The following DICER1 variants were observed in gnomAD, a reference collection of about 807,000 sequenced individuals.
The protein encoded by DICER1 is dicer 1, ribonuclease III, also known as endoribonuclease Dicer.
DICER1 carries 43 observed loss-of-function variants against 194.1 expected under a neutral mutation model. The ratio of observed to expected loss-of-function variants is 0.22; its 90% CI spans 0.17 to 0.29. The LOEUF (loss-of-function observed/expected upper bound fraction) is 0.29. Among genes scored for constraint, DICER1 ranks in the 10% least tolerant of loss-of-function variants. The probability of loss-of-function intolerance (pLI) is 1.00; values close to 1 mark genes in which losing one functional copy is unlikely to be tolerated. For synonymous variants in DICER1, 832 were observed against 820.5 expected (o/e 1.01, Z -0.24); for missense variants, 1,608 against 2,317.0 (o/e 0.69, Z 6.28).
At chr14:95,102,433 G>A (rs1394624468) in intron 21 of DICER1, among the ~76,000 whole-genome samples, 2 of 152,130 alleles carry the variant, frequency 1.3e-5, no homozygotes, top group Non-Finnish European at 1.5e-5. Flanking sequence ...GGCCTTCCAC[G>A]ATACAGCTTC....
At chr14:95,108,782 G>A (rs576832847) in intron 14 of DICER1, among the ~76,000 whole-genome samples, 1 of 152,286 alleles carries the variant, frequency 6.6e-6, no homozygotes, top group East Asian at 1.9e-4. Context: ...ATCCAACACT[G>A]TAGGGCCTTT....
chr14:95,097,540 A>T (rs1890466637), intron 22 of DICER1, among the ~76,000 whole-genome samples: 1 of 152,340 alleles, frequency 6.6e-6, no homozygotes, highest in East Asian at 1.9e-4. Context: ...GTGAGTGACA[A>T]CCTTAATAAT....
chr14:95,108,620 GAA>G, intron 14 of DICER1, 117 bp from the exon 15 acceptor site: 1 of 933,314 alleles, frequency 1.1e-6, no homozygotes, highest in Non-Finnish European at 1.7e-6. Context: ...AATAAGCTAA[GAA>G]AATACCCGAG....
In DICER1 at chr14:95,096,584, C is replaced by T. The variant is rs899635943; in HGVS notation, c.4336G>A (p.Asp1446Asn). The change falls in exon 23 of 27, where the codon GAT becomes AAT. Residue 1446 changes from aspartate (D) to asparagine (N), a missense_variant. Asp to Asn is a conservative substitution (Grantham distance 23). Transcript: ENST00000343455. ...TCTATAAATCTGATATGTTCCTGATCATACTCCAGGAAATCATCTTCATAG... is the reference window on the plus strand; with the variant it reads ...TCTATAAATCTGATATGTTCCTGATTATACTCCAGGAAATCATCTTCATAG... ...ADYEDDFLEY[D>N]QEHIRFIDNM... The T allele has an allele frequency of 6.2e-7, 1 of 1,612,166 alleles. No individual in the cohort carries two copies. The highest frequency in any genetic ancestry group is 8.5e-7 in the Non-Finnish European group (1 of 1,178,760).
In DICER1 at chr14:95,137,908, G is replaced by A. The variant is rs140969547; in HGVS notation, c.-45-4405C>T. On this transcript the variant is annotated intron_variant, in intron 1 of 26. Coordinates refer to ENST00000343455, the MANE Select transcript of DICER1 (RefSeq NM_177438.3). ...GTTCTTCCTCGGCACAAGAGAGGGAGAGAGATCGTTTCCCTGGCCTGCCTA... is the reference window on the plus strand; with the variant it reads ...GTTCTTCCTCGGCACAAGAGAGGGAAAGAGATCGTTTCCCTGGCCTGCCTA... The A allele has an allele frequency of 9.8e-3, 1,522 of 154,818 alleles. 21 individuals are homozygous for A. The highest frequency in any genetic ancestry group is 0.012 in the Non-Finnish European group (799 of 68,208). The allele number at this position is 154,818 out of a possible 1,614,324, so 9.6% of individuals were successfully genotyped here. A position where few individuals can be genotyped will look rare whatever the true frequency, so the allele number is the denominator to read the frequency against.
At chr14:95,153,738 A>T (rs1895666470) in intron 1 of DICER1, among the ~76,000 whole-genome samples, 1 of 152,200 alleles carries the variant, frequency 6.6e-6, no homozygotes, top group Admixed American at 6.5e-5. Flanking sequence ...CTATTATAAG[A>T]CCATTTCAAA....
Position 95,157,351 on chromosome 14 carries a change from C to A in DICER1, c.-167G>T. 1.3e-5 allele frequency: 2 copies of A among 155,558 alleles called. No individual in the cohort carries two copies. Among genetic ancestry groups the A allele is most frequent in the South Asian group, 3.6e-4 (2 of 5,526 alleles). The allele number at this position is 155,558 out of a possible 1,614,324, so 9.6% of individuals were successfully genotyped here. ...GCCCCCGCCGCCATTTCCTCGCGCT[C>A]GCCGTCGCCTCGTCCCCGCTGTCAG... On this transcript the variant is annotated 5_prime_UTR_variant, in exon 1 of 27. Transcript: ENST00000343455.
At chr14:95,115,929 C>A in intron 10 of DICER1, 108 bp from the exon 11 acceptor site, 1 of 1,092,674 alleles carries the variant, frequency 9.2e-7, no homozygotes, top group Non-Finnish European at 1.4e-6. Flanking sequence ...CTCTCTCTCT[C>A]CTAAACATAC....
At position 95,107,960 on chromosome 14, in the gene DICER1, A is replaced by G. The variant is rs1290998883; in HGVS notation, c.2570T>C (p.Ile857Thr). The stretch of plus-strand genomic sequence containing the variant: ...TAGTGCAGGTTTTTCAAGCCGAAGA[A>G]TATGTGAGAATATATACTGGTGAAG... ...TRLHQYIFSH[I>T]LRLEKPALEF... is the part of the protein sequence containing the mutation. The change falls in exon 16 of 27, where the codon ATT becomes ACT. Residue 857 changes from isoleucine (I) to threonine (T), a missense_variant. Ile to Thr is a moderately conservative substitution (Grantham distance 89, BLOSUM62 -1). This residue lies in a region of DICER1 where 150 missense variants were observed against 216.0 expected (regional missense o/e 0.69). Transcript: ENST00000343455. 1.2e-6 allele frequency: 2 copies of G among 1,613,942 alleles called. No individual in the cohort carries two copies. The highest frequency in any genetic ancestry group is 1.3e-5 in the African/African-American group (1 of 75,056).
At chr14:95,125,475 C>G (rs1348803566) in intron 7 of DICER1, among the ~76,000 whole-genome samples, 1 of 141,552 alleles carries the variant, frequency 7.1e-6, no homozygotes, top group Admixed American at 7.3e-5. Context: ...CAATCCATGG[C>G]CAGGGTGTAA....
At chr14:95,128,780 C>G (rs1237802862) in intron 6 of DICER1, among the ~76,000 whole-genome samples, 1 of 152,222 alleles carries the variant, frequency 6.6e-6, no homozygotes, top group Non-Finnish European at 1.5e-5. Flanking sequence ...CTTATTGTAA[C>G]TGTCCTAAGA....
chr14:95,103,693 A>C lies in DICER1; in HGVS notation c.3703T>G (p.Cys1235Gly). Reference protein sequence around the residue: ...YENQPQPSDECTLLSNKYLDG... With the variant: ...YENQPQPSDEGTLLSNKYLDG... ...AGGTATTTATTACTCAGGAGAGTACATTCATCGCTGGGCTGGGGCTGGTTC... is the reference window on the plus strand; with the variant it reads ...AGGTATTTATTACTCAGGAGAGTACCTTCATCGCTGGGCTGGGGCTGGTTC... Residue 1235 changes from cysteine to glycine, a missense_variant, in exon 21 of 27, where the codon TGT (cysteine) becomes GGT (glycine). This residue lies in a region of DICER1 where 222 missense variants were observed against 215.5 expected (regional missense o/e 1.03). Coordinates refer to ENST00000343455, the MANE Select transcript of DICER1 (RefSeq NM_177438.3). 1 of 1,614,220 alleles carries C rather than the reference A, an allele frequency of 6.2e-7. No individual in the cohort carries two copies. Among genetic ancestry groups the C allele is most frequent in the Non-Finnish European group, 8.5e-7 (1 of 1,180,038 alleles).
chr14:95,124,328 G>A lies in DICER1; in HGVS notation c.1244C>T (p.Ser415Phe). Residue 415 changes from serine (S) to phenylalanine (F), a missense_variant, in exon 8 of 27, where the codon TCT becomes TTT. Around this residue, in one of 10 missense-constraint regions of DICER1, gnomAD observed 657 missense variants for 910.1 expected, o/e 0.72. Transcript: ENST00000343455. This position sits in a 1 kb window ranked among gnomAD's most constrained non-coding sequence, Gnocchi z 4.5. ...NQDNYVSWSDSEDDDEDEEIE... is the reference protein window; with the variant it reads ...NQDNYVSWSDFEDDDEDEEIE... ...TTCTTCATCCTCATCATCATCCTCA[G>A]AATCACTCCATGACACATAATTATC... 1 of 1,613,764 alleles carries A rather than the reference G, an allele frequency of 6.2e-7. No individual in the cohort carries two copies. Among genetic ancestry groups the A allele is most frequent in the Non-Finnish European group, 8.5e-7 (1 of 1,179,806 alleles).
At chr14:95,130,380 G>C (rs1893853415) in intron 4 of DICER1, among the ~76,000 whole-genome samples, 188 bp from the exon 5 acceptor site, 1 of 152,198 alleles carries the variant, frequency 6.6e-6, no homozygotes, top group Non-Finnish European at 1.5e-5. Context: ...AGGAAAGCAT[G>C]GGAAAAGAGT....
intron 22 of DICER1, among the ~76,000 whole-genome samples, chr14:95,097,077 C>T (rs1890422559): frequency 1.3e-5 from 2 of 152,166 alleles, no homozygotes; most frequent in Non-Finnish European, 2.9e-5. Flanking sequence ...CACTCATATG[C>T]TGATCACACA....
chr14:95,107,694 G>A lies in DICER1; in HGVS notation c.2718C>T (p.Arg906=), dbSNP rs370692165. Residue 906 remains arginine, a synonymous_variant, in exon 17 of 27, where the codon CGC becomes CGT. Coordinates refer to ENST00000343455, the MANE Select transcript of DICER1 (RefSeq NM_177438.3). The stretch of plus-strand genomic sequence containing the variant: ...TATACTTTGTACTGGGAATGCCTAT[G>A]CGAGCTTCAGACTTCTCAATATCTT... ...FMEDIEKSEA[R]IGIPSTKYTK... The A allele has an allele frequency of 1.7e-5, 27 of 1,613,520 alleles. No homozygotes were observed. Among genetic ancestry groups the A allele is most frequent in the South Asian group, 8.8e-5 (8 of 91,060 alleles).
intron 1 of DICER1, 49 bp from the exon 2 acceptor site, chr14:95,133,552 A>G: frequency 7.5e-7 from 1 of 1,338,846 alleles, no homozygotes; most frequent in Non-Finnish European, 1.0e-6. Context: ...AGGGTTAAAA[A>G]CAAAGAAAGC....
intron 1 of DICER1, among the ~76,000 whole-genome samples, chr14:95,150,737 C>T (rs1895459589): frequency 6.6e-6 from 1 of 152,178 alleles, no homozygotes; most frequent in South Asian, 2.1e-4. Flanking sequence ...TATTTTTATT[C>T]AGTGGAAAAA....
intron 1 of DICER1, among the ~76,000 whole-genome samples, chr14:95,143,274 A>G (rs957333645): frequency 6.6e-6 from 1 of 152,230 alleles, no homozygotes; most frequent in African/African-American, 2.4e-5. Flanking sequence ...GCCATGGTAT[A>G]GATACAAAAT....
Sources: gnomAD v4.1 joint callset for allele counts (sites outside exome capture counted in the v4.1 genomes callset) on GRCh38, gnomAD v4.1.1 for gene constraint, gnomAD v4.1.1 regional missense constraint, Gnocchi (gnomAD v3.1) non-coding constraint, MANE v1.5 for transcripts, NCBI Gene and HGNC (gene_info 2026-07-23, HGNC 2026-07-21) for gene names.